Variants in KIZ observed in about 807,000 individuals in gnomAD.
The protein encoded by KIZ is kizuna centrosomal protein.
In KIZ, 68 loss-of-function variants were observed where a neutral mutation model predicts 79.6. The ratio of observed to expected loss-of-function variants is 0.85; its 90% CI spans 0.70 to 1.05. KIZ has a LOEUF of 1.05. Among genes scored for constraint, KIZ ranks in the 50% least tolerant of loss-of-function variants. The pLI is 0.00. For synonymous variants in KIZ, 280 were observed against 281.8 expected (o/e 0.99, Z 0.06); for missense variants, 797 against 800.4 (o/e 1.00, Z 0.05).
At chr20:21,174,402 T>A (rs983255131) in intron 6 of KIZ, among the ~76,000 whole-genome samples, 2 of 152,206 alleles carry the variant, frequency 1.3e-5, no homozygotes, top group African/African-American at 4.8e-5. Flanking sequence ...ACTGGTACCC[T>A]ATGCTGTCTC....
chr20:21,165,647 A>G (rs6047281), intron 6 of KIZ, among the ~76,000 whole-genome samples: 87,906 of 152,054 alleles, frequency 0.58, 27,064 homozygotes, highest in South Asian at 0.78. Flanking sequence ...CCTGTTGTCC[A>G]TTCCCTTGCC....
At chr20:21,166,153 T>A in intron 6 of KIZ, 1 of 827,930 alleles carries the variant, frequency 1.2e-6, no homozygotes, top group African/African-American at 1.7e-5. Context: ...TTTGTATTTT[T>A]TTTTTTTTTT....
At chr20:21,160,243 C>T (rs568459521) in intron 4 of KIZ, among the ~76,000 whole-genome samples, 1 of 152,272 alleles carries the variant, frequency 6.6e-6, no homozygotes, top group African/African-American at 2.4e-5. Context: ...GCCTGCTTGA[C>T]AGGCCCTTCT....
intron 7 of KIZ, chr20:21,213,632 G>A (rs2036164882): frequency 1.3e-5 from 2 of 152,120 alleles, no homozygotes; most frequent in African/African-American, 4.8e-5. Flanking sequence ...CTCTGGCAGC[G>A]GGATAATGTG....
At chr20:21,144,846 A>G (rs184597389) in intron 3 of KIZ, among the ~76,000 whole-genome samples, 1 of 152,178 alleles carries the variant, frequency 6.6e-6, no homozygotes, top group African/African-American at 2.4e-5. Context: ...GATGGACCAC[A>G]ATCCATGACT....
intron 9 of KIZ, among the ~76,000 whole-genome samples, chr20:21,219,694 ACTGTGCTTCTTCCT>A (rs1158740821): frequency 1.3e-5 from 2 of 152,112 alleles, no homozygotes; most frequent in Non-Finnish European, 2.9e-5. Context: ...ATGCCAAGGG[ACTGTGCTTCTTCCT>A]CTATGCTAAT....
intron 6 of KIZ, among the ~76,000 whole-genome samples, chr20:21,167,638 TG>T (rs1453406912): frequency 7.0e-6 from 1 of 142,332 alleles, no homozygotes; most frequent in Non-Finnish European, 1.5e-5. Flanking sequence ...CTCGGCTCAC[TG>T]CAACCTCCAC....
At position 21,162,561 on chromosome 20, in the gene KIZ, A is replaced by C. The variant is rs1359076544; in HGVS notation, c.1042+54A>C. On this transcript the variant is annotated intron_variant, in intron 5 of 12. Coordinates refer to ENST00000619189, the MANE Select transcript of KIZ (RefSeq NM_018474.6). ...GATTTTTCTGGGTGGTAGTGATCTT[A>C]TGTAAGGACAAAATATACTAATTAT... The C allele has an allele frequency of 1.5e-5, 20 of 1,344,198 alleles. No homozygotes were observed. In the East Asian group the frequency reaches 4.6e-4, roughly 31 times the overall value. 83.3% of individuals were successfully genotyped at this position (1,344,198 alleles called of 1,614,324 possible).
At chr20:21,246,105 AT>A (rs2037377747) in intron 12 of KIZ, 1 of 216,476 alleles carries the variant, frequency 4.6e-6, no homozygotes, top group South Asian at 9.0e-5. Flanking sequence ...ATAAAGAAGA[AT>A]GGGAGATGAA....
intron 6 of KIZ, among the ~76,000 whole-genome samples, chr20:21,186,712 C>G (rs1049368816): frequency 6.6e-6 from 1 of 151,792 alleles, no homozygotes; most frequent in Non-Finnish European, 1.5e-5. Context: ...TAAAATATAT[C>G]TGAGAATCAC....
chr20:21,140,195 T>C (rs1352244094), intron 3 of KIZ, among the ~76,000 whole-genome samples: 1 of 152,182 alleles, frequency 6.6e-6, no homozygotes, highest in Non-Finnish European at 1.5e-5. Context: ...ACTTGTCTCC[T>C]CTTAATGCTG....
chr20:21,232,733 G>A lies in KIZ; in HGVS notation c.1784-1G>A, dbSNP rs1422422485. ...ACTCTCCATGTTTACGCTTATCACA[G>A]GTTTGAATATTGGCAGCGGTGCATT... On this transcript the variant is annotated splice_acceptor_variant, in intron 10 of 12. Coordinates refer to ENST00000619189, the MANE Select transcript of KIZ (RefSeq NM_018474.6). LOFTEE classifies it high-confidence loss of function. 8 of 1,541,972 alleles carry A rather than the reference G, an allele frequency of 5.2e-6. No individual in the cohort carries two copies. The highest frequency in any genetic ancestry group is 7.1e-6 in the Non-Finnish European group (8 of 1,123,140).
chr20:21,185,406 C>T (rs1421395739), intron 6 of KIZ, among the ~76,000 whole-genome samples: 1 of 146,336 alleles, frequency 6.8e-6, no homozygotes, highest in Admixed American at 6.8e-5. Context: ...AATTATTCTA[C>T]CTTTTTTTTT....
Position 21,204,111 on chromosome 20 carries a change from T to G in KIZ, c.1353-1380T>G, listed in dbSNP as rs1413350940. ...CCCCTTAAGAGTCATCTATGTTTTTTTTTTTTTTTTTTTTTTTTTTTTGAG... is the reference window on the plus strand; with the variant it reads ...CCCCTTAAGAGTCATCTATGTTTTTGTTTTTTTTTTTTTTTTTTTTTTGAG... On this transcript the variant is annotated intron_variant, in intron 6 of 12. Coordinates refer to ENST00000619189, the MANE Select transcript of KIZ (RefSeq NM_018474.6). Among the ~76,000 whole-genome samples the G allele has an allele frequency of 1.7e-4, 21 of 126,844 alleles. No individual in the cohort carries two copies. The South Asian group carries it at 5.7e-3, about 35-fold the overall frequency. 83.2% of individuals were successfully genotyped at this position (126,844 alleles called of 152,430 possible).
At chr20:21,134,965 C>T (rs1234937334) in intron 2 of KIZ, among the ~76,000 whole-genome samples, 1 of 152,146 alleles carries the variant, frequency 6.6e-6, no homozygotes, top group East Asian at 1.9e-4. Flanking sequence ...CCATGCCCGA[C>T]CCATCTTTCA....
intron 3 of KIZ, among the ~76,000 whole-genome samples, chr20:21,139,853 T>C (rs892305717): frequency 3.9e-5 from 6 of 152,208 alleles, no homozygotes; most frequent in Non-Finnish European, 8.8e-5. Flanking sequence ...TAGGTGTTCC[T>C]TATTTGAATT....
At chr20:21,197,650 A>G (rs576771436) in intron 6 of KIZ, 49 of 152,378 alleles carry the variant, frequency 3.2e-4, no homozygotes, top group African/African-American at 1.1e-3. Flanking sequence ...AAATTGCCGC[A>G]TACACGCAAA....
chr20:21,184,946 G>T (rs889574982), intron 6 of KIZ, among the ~76,000 whole-genome samples: 3 of 152,230 alleles, frequency 2.0e-5, no homozygotes, highest in Admixed American at 1.3e-4. Context: ...AGGAAACTGA[G>T]GTGGGAGGCT....
At chr20:21,203,872 T>G (rs1421070074) in intron 6 of KIZ, among the ~76,000 whole-genome samples, 1 of 152,186 alleles carries the variant, frequency 6.6e-6, no homozygotes, top group Non-Finnish European at 1.5e-5. Context: ...ATATCTTTAC[T>G]TTGTTGTACA....
Sources: gnomAD v4.1 joint callset for allele counts (sites outside exome capture counted in the v4.1 genomes callset) on GRCh38, gnomAD v4.1.1 for gene constraint, MANE v1.5 for transcripts, NCBI Gene and HGNC (gene_info 2026-07-23, HGNC 2026-07-21) for gene names.